Variants in PGBD5 observed in about 807,000 individuals in gnomAD.
PGBD5 encodes piggyBac transposable element-derived protein 5.
PGBD5 carries 14 observed loss-of-function variants against 47.9 expected under a neutral mutation model. The observed-to-expected ratio is 0.29, with a 90% confidence interval of 0.19 to 0.46. The LOEUF (loss-of-function observed/expected upper bound fraction) is 0.46. Ranked by LOEUF, PGBD5 falls within the 20% of genes least tolerant of loss-of-function variation. The probability of loss-of-function intolerance (pLI) is 1.00; values close to 1 mark genes in which losing one functional copy is unlikely to be tolerated. For synonymous variants in PGBD5, 316 were observed against 306.3 expected (o/e 1.03, Z -0.33); for missense variants, 635 against 716.0 (o/e 0.89, Z 1.29).
rs997826861 is a variant in PGBD5, at chr1:230,319,452, C to A, written c.*3973G>T. On this transcript the variant is annotated 3_prime_UTR_variant, in exon 7 of 7. Coordinates refer to ENST00000391860, the MANE Select transcript of PGBD5 (RefSeq NM_001258311.2). ...GTTTTTTTTTTGCCATGAATGCAGA[C>A]TGGAGGAGAATGTGTGAGGCTTGCG... 5 of 152,162 alleles carry A rather than the reference C, an allele frequency of 3.3e-5. No individual in the cohort carries two copies. Among genetic ancestry groups the A allele is most frequent in the African/African-American group, 1.2e-4 (5 of 41,502 alleles). The allele number at this position is 152,162 out of a possible 1,614,324, so 9.4% of individuals were successfully genotyped here.
intron 1 of PGBD5, among the ~76,000 whole-genome samples, chr1:230,391,680 T>G (rs922121885): frequency 6.6e-6 from 1 of 152,174 alleles, no homozygotes; most frequent in African/African-American, 2.4e-5. Context: ...TATTTGGCCA[T>G]CCATAAAACA....
chr1:230,364,674 T>C (rs1424437805), intron 1 of PGBD5, among the ~76,000 whole-genome samples: 1 of 152,262 alleles, frequency 6.6e-6, no homozygotes, highest in Non-Finnish European at 1.5e-5. Flanking sequence ...TGAGCTGAAG[T>C]TGTTCACAGG....
chr1:230,357,344 G>A lies in PGBD5; in HGVS notation c.332-23C>T. ...GACCTGAAACCCAAAGACAGGTGGAGTGTTCCTTAGGACGGCCGCCACACC... is the reference window on the plus strand; with the variant it reads ...GACCTGAAACCCAAAGACAGGTGGAATGTTCCTTAGGACGGCCGCCACACC... On this transcript the variant is annotated intron_variant, in intron 1 of 6. Coordinates refer to ENST00000391860, the MANE Select transcript of PGBD5 (RefSeq NM_001258311.2). The surrounding 1 kb of genome is among the most constrained non-coding windows in gnomAD (Gnocchi z 5.7). The A allele has an allele frequency of 6.2e-7, 1 of 1,606,568 alleles. No individual in the cohort carries two copies. Among genetic ancestry groups the A allele is most frequent in the Non-Finnish European group, 8.5e-7 (1 of 1,175,658 alleles).
intron 3 of PGBD5, among the ~76,000 whole-genome samples, chr1:230,349,635 G>T (rs2102700470): frequency 6.6e-6 from 1 of 151,850 alleles, no homozygotes; most frequent in East Asian, 1.9e-4. Context: ...GCAGGTAGCA[G>T]GTGCTCAATA....
chr1:230,317,316 C>G lies in PGBD5; in HGVS notation c.*6109G>C, dbSNP rs977860842. 8 of 152,244 alleles carry G rather than the reference C, an allele frequency of 5.3e-5. No homozygotes were observed. Among genetic ancestry groups the G allele is most frequent in the African/African-American group, 1.9e-4 (8 of 41,452 alleles). 9.4% of individuals were successfully genotyped at this position (152,244 alleles called of 1,614,324 possible). ...TGGAGCAGACAGAGTGAGGGTCAAC[C>G]TGGCTCCACACCCTGTAGAGTCACC... On this transcript the variant is annotated 3_prime_UTR_variant, in exon 7 of 7. Transcript: ENST00000391860.
intron 1 of PGBD5, among the ~76,000 whole-genome samples, chr1:230,361,193 G>A (rs1260768492): frequency 1.3e-5 from 2 of 152,158 alleles, no homozygotes; most frequent in South Asian, 2.1e-4. Flanking sequence ...CACCTCCACA[G>A]TGCTCATGTG....
chr1:230,346,215 A>AT (rs1667471039), intron 3 of PGBD5, among the ~76,000 whole-genome samples: 2 of 151,828 alleles, frequency 1.3e-5, no homozygotes, highest in Admixed American at 6.6e-5. Flanking sequence ...GCTATTTCAT[A>AT]TTTTTTGTGG....
chr1:230,369,649 T>A (rs828434), intron 1 of PGBD5, among the ~76,000 whole-genome samples: 96,204 of 151,554 alleles, frequency 0.63, 31,824 homozygotes, highest in Non-Finnish European at 0.74. Flanking sequence ...ACAGGGAGAG[T>A]GTGTGTCACA....
At chr1:230,325,905 G>A (rs1010157861) in intron 5 of PGBD5, among the ~76,000 whole-genome samples, 4 of 152,022 alleles carry the variant, frequency 2.6e-5, no homozygotes, top group African/African-American at 4.8e-5. Flanking sequence ...TCGGCAACTC[G>A]TCACCCCACA....
At chr1:230,388,519 C>G (rs1234034640) in intron 1 of PGBD5, among the ~76,000 whole-genome samples, 2 of 151,878 alleles carry the variant, frequency 1.3e-5, no homozygotes, top group African/African-American at 4.8e-5. Context: ...GGGTTCACGC[C>G]ATTCTCCTGC....
chr1:230,340,123 A>C (rs1395669566), intron 3 of PGBD5, among the ~76,000 whole-genome samples: 1 of 152,228 alleles, frequency 6.6e-6, no homozygotes, highest in East Asian at 1.9e-4. Flanking sequence ...TGTCAATTAA[A>C]AAATAAATTT....
At chr1:230,383,546 A>AT (rs1656564304) in intron 1 of PGBD5, among the ~76,000 whole-genome samples, 1 of 151,186 alleles carries the variant, frequency 6.6e-6, no homozygotes, top group African/African-American at 2.4e-5. Flanking sequence ...AATTTTTTGT[A>AT]TTTTTTGTAG....
intron 3 of PGBD5, among the ~76,000 whole-genome samples, chr1:230,340,413 A>G (rs1667391876): frequency 6.6e-6 from 1 of 152,156 alleles, no homozygotes; most frequent in Non-Finnish European, 1.5e-5. Context: ...AATGTTCACA[A>G]TATCCTTGTA....
At chr1:230,367,994 G>A in intron 1 of PGBD5, 1 of 1,367,854 alleles carries the variant, frequency 7.3e-7, no homozygotes, top group Non-Finnish European at 9.8e-7. Flanking sequence ...CAAGGAGCTG[G>A]GGGTTCTCTT....
chr1:230,342,039 A>G (rs531970081), intron 3 of PGBD5, among the ~76,000 whole-genome samples: 1 of 152,332 alleles, frequency 6.6e-6, no homozygotes, highest in East Asian at 1.9e-4. Context: ...GGATTATAGC[A>G]GTTAATACCC....
chr1:230,343,394 C>T (rs373394846), intron 3 of PGBD5, among the ~76,000 whole-genome samples: 14 of 152,228 alleles, frequency 9.2e-5, no homozygotes, highest in African/African-American at 2.4e-4. Flanking sequence ...GTAGCTGGTG[C>T]ACTTACCTGG....
At chr1:230,413,833 G>A (rs1414277828) in intron 1 of PGBD5, among the ~76,000 whole-genome samples, 1 of 152,072 alleles carries the variant, frequency 6.6e-6, no homozygotes, top group African/African-American at 2.4e-5. Context: ...GCTGTTTGAG[G>A]GCTAGAACCT....
At chr1:230,371,883 C>T (rs1030208033) in intron 1 of PGBD5, among the ~76,000 whole-genome samples, 14 of 152,174 alleles carry the variant, frequency 9.2e-5, no homozygotes, top group African/African-American at 3.4e-4. Flanking sequence ...AAGCTCGCCA[C>T]CTCAGTGCAG....
intron 5 of PGBD5, among the ~76,000 whole-genome samples, chr1:230,329,122 TG>T (rs77950968): frequency 1.4e-3 from 207 of 150,684 alleles, no homozygotes; most frequent in Non-Finnish European, 2.3e-3. Context: ...AATTTTTTTT[TG>T]GGGGGGGAGG....
Sources: allele counts gnomAD v4.1 joint callset (sites outside exome capture counted in the v4.1 genomes callset), GRCh38; gene constraint gnomAD v4.1.1; non-coding constraint Gnocchi (gnomAD v3.1); transcripts MANE v1.5; gene names NCBI Gene and HGNC (gene_info 2026-07-23, HGNC 2026-07-21).